C10orf90: variants seen among roughly 807,000 people sequenced by gnomAD.
C10orf90 encodes the protein chromosome 10 open reading frame 90, also known as (E2-independent) E3 ubiquitin-conjugating enzyme FATS.
A neutral mutation model predicts 62.5 loss-of-function variants in C10orf90; 56 were observed. The observed-to-expected ratio is 0.90, with a 90% CI of 0.72 to 1.12. The LOEUF (loss-of-function observed/expected upper bound fraction) is 1.12. Ranked by LOEUF, C10orf90 falls within the 50% of genes most tolerant of loss-of-function variation. The pLI is 0.00. For missense variants in C10orf90, 970 were observed against 880.4 expected, an observed-to-expected ratio of 1.10 and a Z score of -1.29; for synonymous variants, 386 against 340.4, an observed-to-expected ratio of 1.13 and a Z score of -1.47.
intron 2 of C10orf90, among the ~76,000 whole-genome samples, chr10:126,628,155 G>A (rs1391154130): frequency 6.6e-6 from 1 of 152,178 alleles, no homozygotes; most frequent in Non-Finnish European, 1.5e-5. Flanking sequence ...ACCAGGCTGG[G>A]TCACTCCTGT....
chr10:126,498,950 C>T (rs1862232212), intron 4 of C10orf90, among the ~76,000 whole-genome samples: 1 of 152,178 alleles, frequency 6.6e-6, no homozygotes, highest in Non-Finnish European at 1.5e-5. Context: ...CATTCATCTC[C>T]ACCTCAGAGT....
intron 1 of C10orf90, among the ~76,000 whole-genome samples, chr10:126,647,539 A>T (rs1846196009): frequency 6.6e-6 from 1 of 152,162 alleles, no homozygotes; most frequent in Non-Finnish European, 1.5e-5. Context: ...TTCCATCCCA[A>T]GGAGAAGTCT....
chr10:126,507,603 A>G (rs944231746), intron 3 of C10orf90, among the ~76,000 whole-genome samples: 1 of 151,602 alleles, frequency 6.6e-6, no homozygotes, highest in Non-Finnish European at 1.5e-5. Context: ...CAATCACATC[A>G]TGCGTTGCTT....
At chr10:126,641,742 T>C (rs915351697) in intron 2 of C10orf90, among the ~76,000 whole-genome samples, 2 of 152,152 alleles carry the variant, frequency 1.3e-5, no homozygotes, top group Admixed American at 6.5e-5. Context: ...TCTCTGATTT[T>C]AAAAGCAGAT....
intron 2 of C10orf90, among the ~76,000 whole-genome samples, chr10:126,564,013 C>T (rs1445460352): frequency 6.6e-6 from 1 of 152,128 alleles, no homozygotes; most frequent in Admixed American, 6.5e-5. Flanking sequence ...TCCGTGGCCT[C>T]CACCCACTGG....
At chr10:126,546,110 C>A (rs987386554) in intron 2 of C10orf90, among the ~76,000 whole-genome samples, 16 of 152,208 alleles carry the variant, frequency 1.1e-4, no homozygotes, top group Non-Finnish European at 2.9e-5. Flanking sequence ...ACAGAAAAAA[C>A]CCCAGGCAAA....
chr10:126,611,545 C>T (rs1039998058), intron 2 of C10orf90, among the ~76,000 whole-genome samples: 1 of 152,176 alleles, frequency 6.6e-6, no homozygotes, highest in Non-Finnish European at 1.5e-5. Flanking sequence ...CTACATTTAA[C>T]CTTTGGAGGA....
In C10orf90 at chr10:126,628,227, C is replaced by T. The variant is rs369009177; in HGVS notation, c.313+18338G>A. Among the ~76,000 whole-genome samples, 177 of 152,298 alleles carry T rather than the reference C, an allele frequency of 1.2e-3. No homozygotes were observed. In the South Asian group the frequency reaches 0.015, roughly 13 times the overall value. On this transcript the variant is annotated intron_variant, in intron 2 of 9. Coordinates refer to ENST00000488181, the MANE Select transcript of C10orf90 (RefSeq NM_001350921.2). Reference sequence around the variant, plus strand: ...CAAGGCAGCCTCTAAAGATTTCTGGCTTTGACATTCTTGGGATCTCCAAAT... The same window carrying T: ...CAAGGCAGCCTCTAAAGATTTCTGGTTTTGACATTCTTGGGATCTCCAAAT...
intron 2 of C10orf90, among the ~76,000 whole-genome samples, chr10:126,548,586 C>A (rs1467961853): frequency 6.6e-6 from 1 of 152,182 alleles, no homozygotes; most frequent in African/African-American, 2.4e-5. Flanking sequence ...AGGATGGTCT[C>A]GATCTCCTGA....
chr10:126,459,701 A>T (rs1247236344), intron 6 of C10orf90, among the ~76,000 whole-genome samples: 1 of 152,246 alleles, frequency 6.6e-6, no homozygotes, highest in Middle Eastern at 3.2e-3. Flanking sequence ...TTCAGGAGGC[A>T]CCACAACTGC....
chr10:126,503,954 C>T lies in C10orf90; in HGVS notation c.1534+3G>A. ...CCCTCCTGCAGATGGACGCACCACT[C>T]ACCTGCCCTGTAACTCCAGCCAGGA... On this transcript the variant is annotated splice_donor_region_variant and intron_variant, in intron 4 of 9. Transcript: ENST00000488181. 3 of 1,607,010 alleles carry T rather than the reference C, an allele frequency of 1.9e-6. No individual in the cohort carries two copies. The highest frequency in any genetic ancestry group is 2.5e-6 in the Non-Finnish European group (3 of 1,176,936).
chr10:126,547,352 G>A (rs1303449724), intron 2 of C10orf90, among the ~76,000 whole-genome samples: 2 of 151,908 alleles, frequency 1.3e-5, no homozygotes, highest in Non-Finnish European at 2.9e-5. Flanking sequence ...CCGGGAGGCG[G>A]AGCTTGCAGT....
chr10:126,652,632 T>C, intron 1 of C10orf90, among the ~76,000 whole-genome samples: 1 of 152,234 alleles, frequency 6.6e-6, no homozygotes, highest in Non-Finnish European at 1.5e-5. Context: ...GCTCCCTGTG[T>C]GTTTGCAGGT....
chr10:126,603,973 A>AG (rs1214817452), intron 2 of C10orf90, among the ~76,000 whole-genome samples: 2 of 152,216 alleles, frequency 1.3e-5, no homozygotes, highest in East Asian at 1.9e-4. Context: ...GAGGTACTCA[A>AG]GCTCGTCAAA....
intron 2 of C10orf90, among the ~76,000 whole-genome samples, chr10:126,538,741 A>G (rs1864302971): frequency 1.3e-5 from 2 of 152,200 alleles, no homozygotes; most frequent in South Asian, 2.1e-4. Context: ...AGGAACTAGA[A>G]TTCAAACCCA....
intron 2 of C10orf90, among the ~76,000 whole-genome samples, chr10:126,592,252 C>A (rs1485488265): frequency 6.6e-6 from 1 of 152,022 alleles, no homozygotes; most frequent in African/African-American, 2.4e-5. Flanking sequence ...CAATTCTAAG[C>A]AAAAAGAAAA....
At chr10:126,559,487 C>T (rs896947025) in intron 2 of C10orf90, among the ~76,000 whole-genome samples, 2 of 152,112 alleles carry the variant, frequency 1.3e-5, no homozygotes, top group Non-Finnish European at 2.9e-5. Context: ...CAGTGATATT[C>T]AGAATTGTCA....
At chr10:126,458,963 C>A (rs979968257) in intron 7 of C10orf90, 77 bp downstream of exon 7, 2 of 1,452,264 alleles carry the variant, frequency 1.4e-6, no homozygotes, top group Non-Finnish European at 9.3e-7. Context: ...GAGCCATCAC[C>A]CCTGAGTGAA....
chr10:126,521,990 C>G (rs1408383045), intron 2 of C10orf90, among the ~76,000 whole-genome samples: 1 of 152,200 alleles, frequency 6.6e-6, no homozygotes, highest in Non-Finnish European at 1.5e-5. Context: ...CACCGGCAGC[C>G]TGGCGTGGTG....
Sources: gnomAD v4.1 joint callset for allele counts (sites outside exome capture counted in the v4.1 genomes callset) on GRCh38, gnomAD v4.1.1 for gene constraint, MANE v1.5 for transcripts, NCBI Gene and HGNC (gene_info 2026-07-23, HGNC 2026-07-21) for gene names.